The following ITGA4 variants were observed in gnomAD, a reference collection of about 807,000 sequenced individuals.
ITGA4 encodes integrin subunit alpha 4.
ITGA4 carries 63 observed loss-of-function variants against 133.6 expected under a neutral mutation model. The observed-to-expected ratio is 0.47, with a 90% CI of 0.38 to 0.58. The LOEUF is 0.58. ITGA4 is among the 20% of genes least tolerant of loss of function. The pLI, the probability that ITGA4 is intolerant of heterozygous loss-of-function variation, is 0.00. For synonymous variants in ITGA4, 483 were observed against 438.0 expected (o/e 1.10, Z -1.28); for missense variants, 1,076 against 1,252.7 (o/e 0.86, Z 2.13).
chr2:181,521,920 A>C (rs962629118), intron 17 of ITGA4, among the ~76,000 whole-genome samples: 1 of 152,222 alleles, frequency 6.6e-6, no homozygotes, highest in African/African-American at 2.4e-5. Context: ...GAGGTTATGC[A>C]GAAAAGAAAT....
chr2:181,495,239 A>G lies in ITGA4; in HGVS notation c.1340-132A>G. 1.5e-6 allele frequency: 1 copy of G among 678,782 alleles called. No individual in the cohort carries two copies. Among genetic ancestry groups the G allele is most frequent in the Non-Finnish European group, 2.6e-6 (1 of 377,900 alleles). 42.0% of individuals were successfully genotyped at this position (678,782 alleles called of 1,614,324 possible). On this transcript the variant is annotated intron_variant, in intron 12 of 27. Transcript: ENST00000397033. The surrounding 1 kb of genome is among the most constrained non-coding windows in gnomAD (Gnocchi z 4.3). ...GTGGAAAGAATCGTAAGATGTTAGCATATATTCTCTAATTTTCTATAAATA... is the reference window on the plus strand; with the variant it reads ...GTGGAAAGAATCGTAAGATGTTAGCGTATATTCTCTAATTTTCTATAAATA...
At chr2:181,479,516 G>T (rs1367275586) in intron 5 of ITGA4, 1 of 151,818 alleles carries the variant, frequency 6.6e-6, no homozygotes, top group Non-Finnish European at 1.5e-5. Flanking sequence ...TTTAAGTTTA[G>T]GATTGTTTAG....
At chr2:181,520,261 A>G (rs1434559021) in intron 17 of ITGA4, among the ~76,000 whole-genome samples, 1 of 152,164 alleles carries the variant, frequency 6.6e-6, no homozygotes, top group Non-Finnish European at 1.5e-5. Flanking sequence ...CGTCAGATGC[A>G]TGAAGAGGAG....
At position 181,485,423 on chromosome 2, in the gene ITGA4, G is replaced by T. The variant is rs1306859581; in HGVS notation, c.1042-458G>T. Among the ~76,000 whole-genome samples the T allele has an allele frequency of 4.2e-5, 6 of 144,172 alleles. No individual in the cohort carries two copies. In the East Asian group the frequency reaches 6.0e-4, roughly 14 times the overall value. 94.6% of individuals were successfully genotyped at this position (144,172 alleles called of 152,430 possible). On this transcript the variant is annotated intron_variant, in intron 9 of 27. Coordinates refer to ENST00000397033, the MANE Select transcript of ITGA4 (RefSeq NM_000885.6). ...ATTAGATTTTTTTTTTTTGCGTCTC[G>T]ATATTGTAAAGCAGTTTCTACTTCT... is the stretch of plus-strand genomic sequence containing the variant.
rs1401307012 is a variant in ITGA4 at position 181,457,711 on chromosome 2, G to C, written c.57G>C (p.Thr19=). Residue 19 remains threonine (T), a synonymous_variant, in exon 1 of 28, where the codon ACG becomes ACC. Transcript: ENST00000397033. ...CCCGAAGGGCCGCCGTCCGGGAGAC[G>C]GTGATGCTGTTGCTGTGCCTGGGGG... ...PGPRRAAVRE[T]VMLLLCLGVP... 6.2e-7 allele frequency: 1 copy of C among 1,612,402 alleles called. No homozygotes were observed. The highest frequency in any genetic ancestry group is 1.1e-5 in the South Asian group (1 of 90,890).
chr2:181,519,100 G>T (rs945013672), intron 17 of ITGA4, among the ~76,000 whole-genome samples: 15 of 151,894 alleles, frequency 9.9e-5, no homozygotes, highest in African/African-American at 3.6e-4. Context: ...AATAAGATGT[G>T]GCATATTCAT....
chr2:181,507,317 AT>A (rs1433025541), intron 15 of ITGA4, among the ~76,000 whole-genome samples: 1 of 152,060 alleles, frequency 6.6e-6, no homozygotes, highest in African/African-American at 2.4e-5. Flanking sequence ...TATTTTATAG[AT>A]TTCTCATCGA....
chr2:181,485,493 C>T (rs1685894956), intron 9 of ITGA4, among the ~76,000 whole-genome samples: 1 of 151,886 alleles, frequency 6.6e-6, no homozygotes, highest in South Asian at 2.1e-4. Context: ...TAACTGTGGG[C>T]TTATTGAAGA....
At chr2:181,461,841 C>T (rs561140379) in intron 2 of ITGA4, among the ~76,000 whole-genome samples, 22 of 152,194 alleles carry the variant, frequency 1.4e-4, no homozygotes, top group African/African-American at 4.8e-4. Flanking sequence ...GCTTTGAACA[C>T]ATAAAATGTG....
At chr2:181,471,715 C>A (rs1487638661) in intron 2 of ITGA4, among the ~76,000 whole-genome samples, 1 of 152,106 alleles carries the variant, frequency 6.6e-6, no homozygotes, top group Non-Finnish European at 1.5e-5. Context: ...ACTTACACAC[C>A]TGCCATATGT....
intron 4 of ITGA4, 95 bp downstream of exon 4, chr2:181,475,383 G>C (rs1032110423): frequency 4.2e-6 from 4 of 959,098 alleles, no homozygotes; most frequent in African/African-American, 3.3e-5. Flanking sequence ...GTTCAGAGGA[G>C]AGGGAGATCT....
rs1201513819 is a variant in ITGA4, at chr2:181,516,426, A to G, written c.1922+4651A>G. On this transcript the variant is annotated intron_variant, in intron 17 of 27. Coordinates refer to ENST00000397033, the MANE Select transcript of ITGA4 (RefSeq NM_000885.6). This position sits in a 1 kb window ranked among gnomAD's most constrained non-coding sequence, Gnocchi z 4.0. ...ACTAGACATTGATGGTTATCTTTCC[A>G]GCTCTCTCAGCTTTTCCTCATGATC... Among the ~76,000 whole-genome samples, 1 of 151,970 alleles carries G rather than the reference A, an allele frequency of 6.6e-6. No homozygotes were observed.
At chr2:181,519,545 G>T (rs1400330166) in intron 17 of ITGA4, among the ~76,000 whole-genome samples, 1 of 152,028 alleles carries the variant, frequency 6.6e-6, no homozygotes, top group Admixed American at 6.6e-5. Context: ...TAAAAGTGGG[G>T]GGAAATATCC....
At chr2:181,520,729 G>A (rs913217896) in intron 17 of ITGA4, among the ~76,000 whole-genome samples, 4 of 152,022 alleles carry the variant, frequency 2.6e-5, no homozygotes, top group Admixed American at 6.6e-5. Flanking sequence ...ACACTTGCCC[G>A]TTTGTGTATC....
At chr2:181,512,625 C>T (rs561903063) in intron 17 of ITGA4, among the ~76,000 whole-genome samples, 8 of 151,774 alleles carry the variant, frequency 5.3e-5, no homozygotes, top group Non-Finnish European at 8.8e-5. Context: ...GGTGAAATAG[C>T]CAATGGAGAA....
chr2:181,535,531 C>A lies in ITGA4; in HGVS notation c.*4C>A. 6.3e-7 allele frequency: 1 copy of A among 1,596,764 alleles called. No homozygotes were observed. The highest frequency in any genetic ancestry group is 8.5e-7 in the Non-Finnish European group (1 of 1,172,666). ...CAGTAAAAGCAATGATGATTAAGGA[C>A]TTCTTTCAAATTGAGAGAATGGAAA... On this transcript the variant is annotated 3_prime_UTR_variant, in exon 28 of 28. Transcript: ENST00000397033.
intron 2 of ITGA4, among the ~76,000 whole-genome samples, chr2:181,460,971 A>C (rs1448623425): frequency 6.6e-6 from 1 of 151,972 alleles, no homozygotes; most frequent in Non-Finnish European, 1.5e-5. Flanking sequence ...TTTACTTGCT[A>C]TCAAGAACCT....
chr2:181,458,500 T>C (rs1338348011), intron 2 of ITGA4, 183 bp downstream of exon 2: 4 of 661,348 alleles, frequency 6.0e-6, no homozygotes, highest in Non-Finnish European at 1.0e-5. Context: ...TTTCTGTTAA[T>C]ATCGTTCTCC....
At chr2:181,474,719 A>T (rs147361705) in intron 2 of ITGA4, among the ~76,000 whole-genome samples, 100 of 152,288 alleles carry the variant, frequency 6.6e-4, no homozygotes, top group African/African-American at 2.2e-3. Flanking sequence ...GCTATCTCTT[A>T]TATGATTGAG....
Sources: allele counts gnomAD v4.1 joint callset (sites outside exome capture counted in the v4.1 genomes callset), GRCh38; gene constraint gnomAD v4.1.1; non-coding constraint Gnocchi (gnomAD v3.1); transcripts MANE v1.5; gene names NCBI Gene and HGNC (gene_info 2026-07-23, HGNC 2026-07-21).